The following TALDO1 variants were observed in gnomAD, a reference collection of about 807,000 sequenced individuals.
The protein encoded by TALDO1 is transaldolase.
Under a neutral mutation model 38.1 loss-of-function variants are expected in TALDO1, and 29 were observed. That is an observed-to-expected ratio of 0.76 (90% CI 0.57 to 1.04). TALDO1 has a LOEUF of 1.04. TALDO1 is among the 50% of genes least tolerant of loss of function. The probability of loss-of-function intolerance (pLI) is 0.00; values close to 1 mark genes in which losing one functional copy is unlikely to be tolerated. For missense variants in TALDO1, 499 were observed against 438.1 expected (o/e 1.14, Z -1.24); for synonymous variants, 207 against 176.8 (o/e 1.17, Z -1.36).
chr11:763,526 G>A lies in TALDO1; in HGVS notation c.637+7G>A, dbSNP rs1251076148. ...GAGCCCCTGGAAGACCCTGGTGAGG[G>A]TCCCTCTGTGGTAATGGGGTAAGGG... On this transcript the variant is annotated splice_region_variant and intron_variant, in intron 5 of 7. Transcript: ENST00000319006. 1.2e-6 allele frequency: 2 copies of A among 1,613,474 alleles called. No individual in the cohort carries two copies. Among genetic ancestry groups the A allele is most frequent in the East Asian group, 2.2e-5 (1 of 44,848 alleles).
intron 1 of TALDO1, among the ~76,000 whole-genome samples, chr11:747,870 A>G (rs969859752): frequency 6.6e-6 from 1 of 152,106 alleles, no homozygotes; most frequent in Non-Finnish European, 1.5e-5. Context: ...AGCTGGGGTC[A>G]GCCGTGAGGG....
chr11:755,491 C>G (rs1432189585), intron 1 of TALDO1, among the ~76,000 whole-genome samples: 1 of 152,116 alleles, frequency 6.6e-6, no homozygotes, highest in African/African-American at 2.4e-5. Flanking sequence ...TGATAATGAC[C>G]CAGTCCATAA....
intron 4 of TALDO1, chr11:760,501 AGAG>A (rs753537033): frequency 5.8e-6 from 3 of 515,984 alleles, no homozygotes; most frequent in Non-Finnish European, 1.0e-5. Context: ...CCCACTCAGC[AGAG>A]AAGAAAAGCC....
chr11:763,824 C>G lies in TALDO1; in HGVS notation c.715C>G (p.Arg239Gly), dbSNP rs201836196. The G allele has an allele frequency of 6.2e-7, 1 of 1,614,074 alleles. No homozygotes were observed. Among genetic ancestry groups the G allele is most frequent in the Admixed American group, 1.7e-5 (1 of 60,026 alleles). The change falls in exon 6 of 8, where the codon CGC becomes GGC. Residue 239 changes from arginine to glycine, a missense_variant. Physicochemically the swap from Arg to Gly is moderately radical, Grantham distance 125 (BLOSUM62 -2). Transcript: ENST00000319006. ...AACCATTGTCATGGGCGCCTCCTTCCGCAACACGGGCGAGATCAAAGCACT... is the reference window on the plus strand; with the variant it reads ...AACCATTGTCATGGGCGCCTCCTTCGGCAACACGGGCGAGATCAAAGCACT... ...YKTIVMGASF[R>G]NTGEIKALAG...
intron 1 of TALDO1, among the ~76,000 whole-genome samples, chr11:748,302 G>C (rs1862693254): frequency 6.6e-6 from 1 of 152,250 alleles, no homozygotes. Context: ...GCCACCGCCA[G>C]ACGCACCGGG....
Position 764,299 on chromosome 11 carries a change from G to T in TALDO1, c.847G>T (p.Asp283Tyr), listed in dbSNP as rs1449857078. The change falls in exon 7 of 8, where the codon GAC becomes TAC. Residue 283 changes from aspartate to tyrosine, a missense_variant. Asp to Tyr is a radical substitution (Grantham distance 160). Transcript: ENST00000319006. ...VLSAKAAQAS[D>Y]LEKIHLDEKS... ...TTCTTGTCCCCCAGCCCAAGCCAGT[G>T]ACCTGGAAAAAATCCACCTGGATGA... 2.5e-6 allele frequency: 4 copies of T among 1,614,184 alleles called. No individual in the cohort carries two copies. Among genetic ancestry groups the T allele is most frequent in the Admixed American group, 1.7e-5 (1 of 60,024 alleles).
At chr11:753,223 G>A (rs925277566) in intron 1 of TALDO1, among the ~76,000 whole-genome samples, 4 of 151,344 alleles carry the variant, frequency 2.6e-5, no homozygotes, top group African/African-American at 9.7e-5. Context: ...GCAAAACCCC[G>A]TCTCTACTAA....
chr11:749,873 C>T (rs1008380633), intron 1 of TALDO1, among the ~76,000 whole-genome samples: 3 of 152,328 alleles, frequency 2.0e-5, no homozygotes, highest in South Asian at 4.1e-4. Context: ...AGATGCACAA[C>T]AGGCTTTTTC....
intron 6 of TALDO1, 161 bp downstream of exon 6, chr11:764,105 TCTCA>T (rs1164260785): frequency 1.3e-5 from 18 of 1,351,564 alleles, no homozygotes; most frequent in Non-Finnish European, 1.8e-5. Context: ...TCCTAACACA[TCTCA>T]CTCAAGTCAT....
intron 3 of TALDO1, among the ~76,000 whole-genome samples, chr11:759,297 T>C (rs988654837): frequency 2.0e-5 from 3 of 152,222 alleles, no homozygotes; most frequent in Non-Finnish European, 2.9e-5. Flanking sequence ...AGTCTCGCAC[T>C]GTCACCCAGG....
intron 3 of TALDO1, 117 bp from the exon 4 acceptor site, chr11:760,005 G>A: frequency 7.0e-7 from 1 of 1,438,562 alleles, no homozygotes; most frequent in South Asian, 1.2e-5. Flanking sequence ...GAGGGCAGTG[G>A]TTGGTGCTCA....
At chr11:755,016 G>C (rs1322559345) in intron 1 of TALDO1, among the ~76,000 whole-genome samples, 1 of 152,062 alleles carries the variant, frequency 6.6e-6, no homozygotes, top group Non-Finnish European at 1.5e-5. Context: ...AGTTGCAGCA[G>C]TGCGGTTCAG....
At chr11:755,318 G>A (rs750270565) in intron 1 of TALDO1, among the ~76,000 whole-genome samples, 37 of 152,052 alleles carry the variant, frequency 2.4e-4, no homozygotes, top group Admixed American at 5.2e-4. Context: ...CTAGTTTTTT[G>A]TATTTTTAGT....
At position 760,221 on chromosome 11, in the gene TALDO1, G is replaced by A. The variant is rs1367706864; in HGVS notation, c.429G>A (p.Leu143=). Residue 143 remains leucine, a synonymous_variant, in exon 4 of 8, where the codon CTG becomes CTA. Transcript: ENST00000319006. ...GCAAGGACCGAATTCTTATAAAGCTGTCATCAACCTGGGAAGGAATTCAGG... is the reference window on the plus strand; with the variant it reads ...GCAAGGACCGAATTCTTATAAAGCTATCATCAACCTGGGAAGGAATTCAGG... ...GISKDRILIK[L]SSTWEGIQAG... 1.2e-6 allele frequency: 2 copies of A among 1,614,084 alleles called. No individual in the cohort carries two copies. The highest frequency in any genetic ancestry group is 1.7e-5 in the Admixed American group (1 of 60,010).
intron 1 of TALDO1, among the ~76,000 whole-genome samples, chr11:751,506 C>T (rs1348187795): frequency 2.0e-5 from 3 of 152,014 alleles, no homozygotes; most frequent in Non-Finnish European, 4.4e-5. Context: ...CACATCTCTA[C>T]AAAAAATTTT....
intron 2 of TALDO1, among the ~76,000 whole-genome samples, chr11:756,585 G>A (rs1564991548): frequency 1.4e-5 from 2 of 145,788 alleles, no homozygotes; most frequent in South Asian, 2.1e-4. Context: ...GCACAATCTC[G>A]GCTCACCGCA....
intron 2 of TALDO1, among the ~76,000 whole-genome samples, chr11:758,210 G>C (rs375638319): frequency 1.3e-5 from 2 of 152,160 alleles, no homozygotes; most frequent in Non-Finnish European, 2.9e-5. Context: ...CGTGAACCGC[G>C]GGGGGCAGAG....
Position 763,392 on chromosome 11 carries a change from C to T in TALDO1, c.510C>T (p.Phe170=). Reference sequence around the variant, plus strand: ...TCCACTGCAACATGACGTTACTCTTCTCCTTCGCCCAGGCTGTGGCCTGTG... The same window carrying T: ...TCCACTGCAACATGACGTTACTCTTTTCCTTCGCCCAGGCTGTGGCCTGTG... ...HGIHCNMTLL[F]SFAQAVACAE... Residue 170 remains phenylalanine, a synonymous_variant, in exon 5 of 8, where the codon TTC becomes TTT. Transcript: ENST00000319006. 6.2e-7 allele frequency: 1 copy of T among 1,612,804 alleles called. No homozygotes were observed. The highest frequency in any genetic ancestry group is 1.3e-5 in the African/African-American group (1 of 74,524).
At chr11:751,306 A>G (rs553704193) in intron 1 of TALDO1, among the ~76,000 whole-genome samples, 1 of 152,276 alleles carries the variant, frequency 6.6e-6, no homozygotes, top group Admixed American at 6.5e-5. Flanking sequence ...TCTAAATTCA[A>G]CGTTTTATTT....
Sources: allele counts gnomAD v4.1 joint callset (sites outside exome capture counted in the v4.1 genomes callset), GRCh38; gene constraint gnomAD v4.1.1; transcripts MANE v1.5; gene names NCBI Gene and HGNC (gene_info 2026-07-23, HGNC 2026-07-21).